DIAPH3: variants seen among roughly 807,000 people sequenced by gnomAD.
The protein encoded by DIAPH3 is protein diaphanous homolog 3.
DIAPH3 carries 117 observed loss-of-function variants against 144.3 expected under a neutral mutation model. The ratio of observed to expected loss-of-function variants is 0.81; its 90% CI spans 0.70 to 0.95. The LOEUF is 0.95. Among genes scored for constraint, DIAPH3 ranks in the 40% least tolerant of loss-of-function variants. The pLI is 0.00. For synonymous variants in DIAPH3, 519 were observed against 488.9 expected (o/e 1.06, Z -0.81); for missense variants, 1,421 against 1,412.7 (o/e 1.01, Z -0.09).
chr13:59,772,138 GT>G (rs925721487), intron 27 of DIAPH3, among the ~76,000 whole-genome samples: 2 of 151,950 alleles, frequency 1.3e-5, no homozygotes, highest in African/African-American at 4.8e-5. Flanking sequence ...AAAAAAAGTA[GT>G]TTTTAGAAAT....
At chr13:59,862,805 C>T (rs1436616820) in intron 21 of DIAPH3, among the ~76,000 whole-genome samples, 1 of 151,920 alleles carries the variant, frequency 6.6e-6, no homozygotes, top group Non-Finnish European at 1.5e-5. Flanking sequence ...AAAGGTGATG[C>T]ATTTATGTTT....
At chr13:59,843,323 A>G (rs1185221824) in intron 22 of DIAPH3, among the ~76,000 whole-genome samples, 1 of 152,180 alleles carries the variant, frequency 6.6e-6, no homozygotes, top group African/African-American at 2.4e-5. Flanking sequence ...AGAGGTGCCT[A>G]AAGTCTAGGC....
intron 25 of DIAPH3, among the ~76,000 whole-genome samples, chr13:59,796,933 T>C (rs1314756878): frequency 6.6e-6 from 1 of 152,146 alleles, no homozygotes; most frequent in East Asian, 1.9e-4. Flanking sequence ...TTTTCCAAAT[T>C]AGAAGGAATC....
chr13:59,761,476 A>G (rs2037583992), intron 27 of DIAPH3, among the ~76,000 whole-genome samples: 1 of 152,164 alleles, frequency 6.6e-6, no homozygotes, highest in Admixed American at 6.5e-5. Flanking sequence ...TCTATTGCTC[A>G]TTTCTATCAT....
rs987290083 is a variant in DIAPH3 at position 60,021,785 on chromosome 13, C to T, written c.627-5640G>A. On this transcript the variant is annotated intron_variant, in intron 5 of 27. Coordinates refer to ENST00000400324, the MANE Select transcript of DIAPH3 (RefSeq NM_001042517.2). ...GTGGACTGAAAAACCTGGGAATGGC[C>T]GTCAACTGAACAGCTAGAAAAGAAG... is the stretch of plus-strand genomic sequence containing the variant. Among the ~76,000 whole-genome samples, 3 of 151,880 alleles carry T rather than the reference C, an allele frequency of 2.0e-5. No homozygotes were observed. In the East Asian group the frequency reaches 5.8e-4, roughly 29 times the overall value.
At chr13:59,811,925 AGC>A (rs1262767574) in intron 24 of DIAPH3, among the ~76,000 whole-genome samples, 1 of 152,084 alleles carries the variant, frequency 6.6e-6, no homozygotes, top group Non-Finnish European at 1.5e-5. Flanking sequence ...AAGGGGAATT[AGC>A]AGGTAAACAT....
intron 3 of DIAPH3, among the ~76,000 whole-genome samples, chr13:60,108,894 G>T (rs2058491286): frequency 6.6e-6 from 1 of 152,012 alleles, no homozygotes; most frequent in Admixed American, 6.6e-5. Context: ...TGTGTGTTGG[G>T]GGGAGGTGTG....
chr13:59,791,294 A>G (rs1020549202), intron 25 of DIAPH3, among the ~76,000 whole-genome samples: 4 of 152,174 alleles, frequency 2.6e-5, no homozygotes, highest in African/African-American at 9.7e-5. Flanking sequence ...TTAGGAAACA[A>G]GAGATACATA....
intron 27 of DIAPH3, among the ~76,000 whole-genome samples, chr13:59,719,213 A>C (rs530927826): frequency 5.3e-4 from 80 of 152,348 alleles, no homozygotes; most frequent in Non-Finnish European, 6.9e-4. Flanking sequence ...CGTGCTTGAA[A>C]ATCAATATAT....
rs376526394 is a variant in DIAPH3, at chr13:59,855,375, T to C, written c.2737+6032A>G. ...AAGTATTAATTTATTGAACATAAAA[T>C]TGTACATATTCTAACATTTTGGTAA... On this transcript the variant is annotated intron_variant, in intron 22 of 27. Coordinates refer to ENST00000400324, the MANE Select transcript of DIAPH3 (RefSeq NM_001042517.2). Among the ~76,000 whole-genome samples the C allele has an allele frequency of 2.3e-4, 35 of 152,184 alleles. No individual in the cohort carries two copies. The East Asian group carries it at 3.7e-3, about 16-fold the overall frequency.
At chr13:60,156,941 T>TATATATATATATA (rs1566834028) in intron 1 of DIAPH3, among the ~76,000 whole-genome samples, 14 of 27,388 alleles carry the variant, frequency 5.1e-4, no homozygotes, top group African/African-American at 1.6e-3. Flanking sequence ...ATATATATAT[T>TATATATATATATA]TTTTTTTTTT....
chr13:59,860,686 C>G (rs2043524901), intron 22 of DIAPH3, among the ~76,000 whole-genome samples: 1 of 151,572 alleles, frequency 6.6e-6, no homozygotes, highest in South Asian at 2.1e-4. Flanking sequence ...TGCAGTGAGC[C>G]AAGATCACGC....
At chr13:59,943,676 G>T (rs1423986484) in intron 17 of DIAPH3, among the ~76,000 whole-genome samples, 1 of 151,912 alleles carries the variant, frequency 6.6e-6, no homozygotes, top group Non-Finnish European at 1.5e-5. Flanking sequence ...AGATCTATTG[G>T]AACAATAAGA....
rs143445147 is a variant in DIAPH3 at position 60,121,722 on chromosome 13, G to C, written c.214-9536C>G. On this transcript the variant is annotated intron_variant, in intron 2 of 27. Coordinates refer to ENST00000400324, the MANE Select transcript of DIAPH3 (RefSeq NM_001042517.2). Reference sequence around the variant, plus strand: ...AGCCTGGAGGACTTGATAGATATCAGATTAGAAGAATGAATGGACCTGAAT... The same window carrying C: ...AGCCTGGAGGACTTGATAGATATCACATTAGAAGAATGAATGGACCTGAAT... 3.5e-3 allele frequency among the ~76,000 whole-genome samples: 539 copies of C among 152,276 alleles called. 4 individuals are homozygous for C. The highest frequency in any genetic ancestry group is 0.013 in the African/African-American group (523 of 41,542).
intron 2 of DIAPH3, among the ~76,000 whole-genome samples, chr13:60,113,370 T>C (rs1361887820): frequency 6.6e-6 from 1 of 152,214 alleles, no homozygotes; most frequent in East Asian, 1.9e-4. Flanking sequence ...AGTCACAGTA[T>C]TGTTTATTCA....
chr13:59,763,020 G>A (rs972052800), intron 27 of DIAPH3, among the ~76,000 whole-genome samples: 1 of 152,000 alleles, frequency 6.6e-6, no homozygotes, highest in Non-Finnish European at 1.5e-5. Context: ...CCAGAGTTGT[G>A]AGCCAATAAA....
At chr13:59,735,825 T>C (rs1287054082) in intron 27 of DIAPH3, among the ~76,000 whole-genome samples, 3 of 152,176 alleles carry the variant, frequency 2.0e-5, no homozygotes, top group Non-Finnish European at 4.4e-5. Context: ...GTGCAGGATG[T>C]GCAGGTTTGT....
At chr13:59,948,504 G>A (rs2224847) in intron 17 of DIAPH3, among the ~76,000 whole-genome samples, 95,579 of 152,012 alleles carry the variant, frequency 0.63, 30,842 homozygotes, top group Admixed American at 0.71. Context: ...AGGCTGAAGT[G>A]CAGTGGTGTG....
At chr13:59,742,623 A>C (rs1276976334) in intron 27 of DIAPH3, among the ~76,000 whole-genome samples, 1 of 151,832 alleles carries the variant, frequency 6.6e-6, no homozygotes, top group Non-Finnish European at 1.5e-5. Flanking sequence ...AGAAAAGAGA[A>C]AAAAGAGAAA....
Sources: allele counts gnomAD v4.1 joint callset (sites outside exome capture counted in the v4.1 genomes callset), GRCh38; gene constraint gnomAD v4.1.1; transcripts MANE v1.5; gene names NCBI Gene and HGNC (gene_info 2026-07-23, HGNC 2026-07-21).